The following SH3RF2 variants were observed in gnomAD, a reference collection of about 807,000 sequenced individuals.
SH3RF2 encodes SH3 domain containing ring finger 2, also known as E3 ubiquitin-protein ligase SH3RF2.
A neutral mutation model predicts 59.0 loss-of-function variants in SH3RF2; 43 were observed. The ratio of observed to expected loss-of-function variants is 0.73; its 90% CI spans 0.57 to 0.94. The LOEUF is 0.94. Ranked by LOEUF, SH3RF2 falls within the 40% of genes least tolerant of loss-of-function variation. The pLI is 0.00. For missense variants in SH3RF2, 930 were observed against 940.1 expected (o/e 0.99, Z 0.14); for synonymous variants, 391 against 391.5 (o/e 1.00, Z 0.01).
chr5:146,047,501 G>T, intron 5 of SH3RF2, among the ~76,000 whole-genome samples: 1 of 152,090 alleles, frequency 6.6e-6, no homozygotes, highest in East Asian at 1.9e-4. Context: ...CCTGTGGACT[G>T]TAAATTGGAC....
intron 9 of SH3RF2, among the ~76,000 whole-genome samples, chr5:146,077,093 G>T (rs1763353616): frequency 6.6e-6 from 1 of 152,098 alleles, no homozygotes; most frequent in Non-Finnish European, 1.5e-5. Context: ...CTCCAGCATG[G>T]TTAGTTTGGA....
chr5:146,036,510 C>T (rs559279706), intron 5 of SH3RF2, among the ~76,000 whole-genome samples: 4 of 152,208 alleles, frequency 2.6e-5, no homozygotes, highest in Admixed American at 6.5e-5. Context: ...GCCTGGCCAA[C>T]ATGGCAAATC....
chr5:145,984,688 G>A (rs1759632564), intron 2 of SH3RF2, among the ~76,000 whole-genome samples: 1 of 152,200 alleles, frequency 6.6e-6, no homozygotes, highest in Non-Finnish European at 1.5e-5. Context: ...TGAGTCTTTA[G>A]CACCCCTCTG....
At position 146,004,066 on chromosome 5, in the gene SH3RF2, C is replaced by T; in HGVS notation, c.657C>T (p.Ile219=). The T allele has an allele frequency of 3.7e-6, 6 of 1,612,310 alleles. No individual in the cohort carries two copies. Among genetic ancestry groups the T allele is most frequent in the Non-Finnish European group, 5.1e-6 (6 of 1,178,740 alleles). Residue 219 remains isoleucine, a synonymous_variant, in exon 4 of 10, where the codon ATC becomes ATT. Transcript: ENST00000359120. The part of the protein sequence containing the change: ...QDCLTFLKDD[I]ITVISRVDEN... ...GAGACTTTCTCTTTCAGGACGATATCATCACTGTGATCAGCCGAGTGGATG... is the reference window on the plus strand; with the variant it reads ...GAGACTTTCTCTTTCAGGACGATATTATCACTGTGATCAGCCGAGTGGATG...
chr5:146,070,189 G>T (rs952537588), intron 9 of SH3RF2, among the ~76,000 whole-genome samples: 1 of 152,118 alleles, frequency 6.6e-6, no homozygotes, highest in Non-Finnish European at 1.5e-5. Context: ...AGGCAATAAG[G>T]ACTAGAACCC....
chr5:146,068,873 A>C (rs1217397587), intron 9 of SH3RF2, among the ~76,000 whole-genome samples: 2 of 152,206 alleles, frequency 1.3e-5, no homozygotes, highest in African/African-American at 4.8e-5. Context: ...CACATATGTA[A>C]TTATACAGGA....
downstream of SH3RF2, among the ~76,000 whole-genome samples, chr5:146,064,494 G>C (rs1274806882): frequency 1.3e-5 from 2 of 149,590 alleles, no homozygotes; most frequent in Admixed American, 1.3e-4. Context: ...GCCCATCAAT[G>C]TGGGCACTTT....
chr5:146,068,369 AC>A, intron 9 of SH3RF2, among the ~76,000 whole-genome samples: 1 of 152,308 alleles, frequency 6.6e-6, no homozygotes, highest in Middle Eastern at 3.4e-3. Flanking sequence ...TCCAGCTGGG[AC>A]CAAGTGCTTA....
intron 2 of SH3RF2, among the ~76,000 whole-genome samples, chr5:145,946,393 A>G (rs188908939): frequency 3.9e-5 from 6 of 152,298 alleles, no homozygotes; most frequent in African/African-American, 1.4e-4. Flanking sequence ...AATTTTTTTT[A>G]ATGGAAGAGT....
intron 9 of SH3RF2, among the ~76,000 whole-genome samples, chr5:146,075,398 G>T (rs1763320842): frequency 6.6e-6 from 1 of 152,058 alleles, no homozygotes; most frequent in South Asian, 2.1e-4. Context: ...AGAAACTAAG[G>T]CCTAGAGAGA....
chr5:145,962,819 G>A (rs1758680731), intron 2 of SH3RF2, among the ~76,000 whole-genome samples: 1 of 151,254 alleles, frequency 6.6e-6, no homozygotes, highest in Non-Finnish European at 1.5e-5. Flanking sequence ...CCCTTTAATG[G>A]CATCTATTTC....
At chr5:145,973,206 A>G (rs2149963353) in intron 2 of SH3RF2, among the ~76,000 whole-genome samples, 1 of 152,370 alleles carries the variant, frequency 6.6e-6, no homozygotes, top group East Asian at 1.9e-4. Context: ...AAGGTAAGAC[A>G]GAACTCAGAA....
intron 4 of SH3RF2, among the ~76,000 whole-genome samples, chr5:146,013,436 G>A (rs1334818752): frequency 2.6e-5 from 4 of 152,192 alleles, no homozygotes; most frequent in African/African-American, 9.7e-5. Flanking sequence ...AAATGACTGG[G>A]GAAAATGGGT....
intron 8 of SH3RF2, among the ~76,000 whole-genome samples, chr5:146,059,594 G>A (rs772587792): frequency 1.3e-5 from 2 of 151,644 alleles, no homozygotes; most frequent in African/African-American, 2.4e-5. Context: ...GCAAATGGAA[G>A]CAATATACCT....
At chr5:145,989,935 C>A (rs1311200097) in intron 2 of SH3RF2, among the ~76,000 whole-genome samples, 7 of 152,136 alleles carry the variant, frequency 4.6e-5, no homozygotes, top group Non-Finnish European at 1.0e-4. Context: ...GGCAGCTGAA[C>A]GTCCTGCTGT....
At chr5:145,940,581 C>T (rs1004906366) in intron 2 of SH3RF2, among the ~76,000 whole-genome samples, 66 of 152,166 alleles carry the variant, frequency 4.3e-4, no homozygotes, top group African/African-American at 1.5e-3. Context: ...ACAGTTCAGC[C>T]AATCTAGTCA....
chr5:146,055,445 G>A (rs886411356), intron 7 of SH3RF2, among the ~76,000 whole-genome samples: 2 of 152,214 alleles, frequency 1.3e-5, no homozygotes, highest in Non-Finnish European at 2.9e-5. Flanking sequence ...CTCTATATGT[G>A]TTAGCCAAAA....
In SH3RF2 at chr5:145,954,141, C is replaced by T. The variant is rs866029135; in HGVS notation, c.378+15835C>T. Among the ~76,000 whole-genome samples, 16 of 152,292 alleles carry T rather than the reference C, an allele frequency of 1.1e-4. 4 individuals are homozygous for T. In the Middle Eastern group the frequency reaches 0.048, roughly 453 times the overall value. On this transcript the variant is annotated intron_variant, in intron 2 of 9. Transcript: ENST00000359120. ...CTTTGAGGAATCGCCATATGGCTTTCCACAATGGTTGAACTCATTTACACT... is the reference window on the plus strand; with the variant it reads ...CTTTGAGGAATCGCCATATGGCTTTTCACAATGGTTGAACTCATTTACACT...
chr5:146,078,385 A>G (rs2150030613), intron 9 of SH3RF2: 1 of 152,354 alleles, frequency 6.6e-6, no homozygotes, highest in Admixed American at 6.5e-5. Flanking sequence ...AAAGATGTTA[A>G]GAATTCTGAA....
Sources: gnomAD v4.1 joint callset for allele counts (sites outside exome capture counted in the v4.1 genomes callset) on GRCh38, gnomAD v4.1.1 for gene constraint, MANE v1.5 for transcripts, NCBI Gene and HGNC (gene_info 2026-07-23, HGNC 2026-07-21) for gene names.